Variants in SBDS observed in about 807,000 individuals in gnomAD.
The protein encoded by SBDS is ribosome maturation protein SBDS.
Under a neutral mutation model 26.4 loss-of-function variants are expected in SBDS, and 20 were observed. The observed-to-expected ratio is 0.76, with a 90% confidence interval of 0.53 to 1.10. SBDS has a LOEUF of 1.10. Ranked by LOEUF, SBDS falls within the 50% of genes least tolerant of loss-of-function variation. SBDS has a pLI of 0.00. For missense variants in SBDS, 241 were observed against 302.0 expected (o/e 0.80, Z 1.50); for synonymous variants, 95 against 105.1 (o/e 0.90, Z 0.59).
rs1793038768 is a variant in SBDS at position 66,994,270 on chromosome 7, T to C, written c.200A>G (p.Lys67Arg). The change falls in exon 2 of 5, where the codon AAA becomes AGA. Residue 67 changes from lysine (K) to arginine (R), a missense_variant. Coordinates refer to ENST00000246868, the MANE Select transcript of SBDS (RefSeq NM_016038.4). The stretch of plus-strand genomic sequence containing the variant: ...AAACGCACTGATGAGATCTTCCTTT[T>C]TGGCAACCTGACCTTTAGAAACATT... Reference protein sequence around the residue: ...FVNVSKGQVAKKEDLISAFGT... With the variant: ...FVNVSKGQVARKEDLISAFGT... 6.2e-7 allele frequency: 1 copy of C among 1,614,160 alleles called. No individual in the cohort carries two copies. The highest frequency in any genetic ancestry group is 8.5e-7 in the Non-Finnish European group (1 of 1,179,986).
intron 1 of SBDS, 124 bp from the exon 2 acceptor site, chr7:66,994,465 T>TA: frequency 1.1e-6 from 1 of 888,562 alleles, no homozygotes; most frequent in Non-Finnish European, 1.8e-6. Context: ...TGATGACCTT[T>TA]AGTGTAGAGG....
At position 66,995,377 on chromosome 7, in the gene SBDS, T is replaced by C. The variant is rs766277488; in HGVS notation, c.41A>G (p.Asn14Ser). 8 of 1,614,074 alleles carry C rather than the reference T, an allele frequency of 5.0e-6. No individual in the cohort carries two copies. The highest frequency in any genetic ancestry group is 2.2e-5 in the East Asian group (1 of 44,872). Residue 14 changes from asparagine to serine, a missense_variant, in exon 1 of 5, where the codon AAT becomes AGT. Transcript: ENST00000246868. ...ACGCTTCATCCGTACCACGGCCACA[T>C]TGGTTAGGCGGATCTGGTTGGTGGG... ...FTPTNQIRLT[N>S]VAVVRMKRAG...
Position 66,988,362 on chromosome 7 carries a change from T to C in SBDS, c.*9A>G. The C allele has an allele frequency of 6.2e-7, 1 of 1,612,886 alleles. No individual in the cohort carries two copies. The highest frequency in any genetic ancestry group is 8.5e-7 in the Non-Finnish European group (1 of 1,179,888). On this transcript the variant is annotated 3_prime_UTR_variant, in exon 5 of 5. Coordinates refer to ENST00000246868, the MANE Select transcript of SBDS (RefSeq NM_016038.4). ...TTTAGTGTTTTAGAGGTGAAGAGAT[T>C]GATGGGTGTCATTCAAATTTCTCAT...
intron 3 of SBDS, among the ~76,000 whole-genome samples, chr7:66,991,579 T>C (rs949551389): frequency 4.1e-4 from 63 of 151,892 alleles, no homozygotes; most frequent in African/African-American, 1.5e-3. Context: ...CATCACAAGG[T>C]CAGGAATTCG....
chr7:66,988,365 T>C lies in SBDS; in HGVS notation c.*6A>G. 1 of 1,613,012 alleles carries C rather than the reference T, an allele frequency of 6.2e-7. No individual in the cohort carries two copies. Among genetic ancestry groups the C allele is most frequent in the Non-Finnish European group, 8.5e-7 (1 of 1,179,898 alleles). ...AGTGTTTTAGAGGTGAAGAGATTGA[T>C]GGGTGTCATTCAAATTTCTCATCTC... On this transcript the variant is annotated 3_prime_UTR_variant, in exon 5 of 5. Transcript: ENST00000246868.
At chr7:66,991,902 G>A (rs1008173296) in intron 3 of SBDS, among the ~76,000 whole-genome samples, 16 of 152,116 alleles carry the variant, frequency 1.1e-4, no homozygotes, top group Non-Finnish European at 2.2e-4. Flanking sequence ...CATCAAAAAG[G>A]CAGACAATGA....
rs1793014457 is a variant in SBDS at position 66,993,293 on chromosome 7, T to A, written c.383A>T (p.Tyr128Phe). The change falls in exon 3 of 5, where the codon TAC (tyrosine) becomes TTC (phenylalanine). Residue 128 changes from tyrosine (Y) to phenylalanine (F), a missense_variant. Transcript: ENST00000246868. ...GGCTCTCTCAATAAGGATCACGGTG[T>A]ATGGTCTCTTTGTTTCAGGATTCAC... ...KCVNPETKRPYTVILIERAMK... is the reference protein window; with the variant it reads ...KCVNPETKRPFTVILIERAMK... 6.2e-7 allele frequency: 1 copy of A among 1,614,166 alleles called. No homozygotes were observed. Among genetic ancestry groups the A allele is most frequent in the Admixed American group, 1.7e-5 (1 of 60,014 alleles).
chr7:66,994,449 T>G (rs924820168), intron 1 of SBDS, 108 bp from the exon 2 acceptor site: 98 of 1,001,010 alleles, frequency 9.8e-5, no homozygotes, highest in Non-Finnish European at 6.7e-5. Flanking sequence ...ACACAACAAA[T>G]CCCCCTGATG....
intron 3 of SBDS, among the ~76,000 whole-genome samples, chr7:66,991,715 C>G (rs1584435782): frequency 8.7e-6 from 1 of 114,466 alleles, no homozygotes; most frequent in South Asian, 2.9e-4. Context: ...AGGAGAATTG[C>G]TTGAATCCGG....
At position 66,991,122 on chromosome 7, in the gene SBDS, AT is replaced by A; in HGVS notation, c.624+14del. 1 of 1,606,446 alleles carries A rather than the reference AT, an allele frequency of 6.2e-7. No homozygotes were observed. The highest frequency in any genetic ancestry group is 1.1e-5 in the South Asian group (1 of 89,858). ...ATTTAGGTAACATGAAGCAAAGAAAATATTTGACTCTTACGATTTCTAACTG... is the reference window on the plus strand; with the variant it reads ...ATTTAGGTAACATGAAGCAAAGAAAAATTTGACTCTTACGATTTCTAACTG... On this transcript the variant is annotated intron_variant, in intron 4 of 4. Transcript: ENST00000246868.
chr7:66,995,418 C>A lies in SBDS; in HGVS notation c.-1G>T, dbSNP rs1292475033. ...GGTTGGTGGGGGTGAAGATCGACAT[C>A]GCGGCTGTTCAAAGACCCAGAAGCC... On this transcript the variant is annotated 5_prime_UTR_variant, in exon 1 of 5. Coordinates refer to ENST00000246868, the MANE Select transcript of SBDS (RefSeq NM_016038.4). The A allele has an allele frequency of 1.2e-6, 2 of 1,613,600 alleles. No homozygotes were observed. The highest frequency in any genetic ancestry group is 1.1e-5 in the South Asian group (1 of 91,056).
chr7:66,994,471 A>C, intron 1 of SBDS, 130 bp from the exon 2 acceptor site: 1 of 871,242 alleles, frequency 1.1e-6, no homozygotes. Context: ...CCTTTAGTGT[A>C]GAGGGCAGTT....
chr7:66,993,891 A>AAT (rs1355854250), intron 2 of SBDS, among the ~76,000 whole-genome samples: 4 of 152,040 alleles, frequency 2.6e-5, no homozygotes, highest in East Asian at 1.9e-4. Flanking sequence ...CACCCAAAAA[A>AAT]AAAAGGATCT....
chr7:66,988,522 T>C (rs773735643), intron 4 of SBDS, 23 bp from the exon 5 acceptor site: 20 of 1,612,086 alleles, frequency 1.2e-5, no homozygotes, highest in Non-Finnish European at 1.7e-5. Context: ...ACGTAGCAGA[T>C]TACCACATGA....
intron 4 of SBDS, among the ~76,000 whole-genome samples, chr7:66,990,443 T>A (rs1792951257): frequency 6.6e-6 from 1 of 152,220 alleles, no homozygotes; most frequent in South Asian, 2.1e-4. Context: ...CTTTTAGGAT[T>A]ATGATCAGCA....
rs535755807 is a variant in SBDS, at chr7:66,993,290, G to C, written c.386C>G (p.Thr129Ser). Residue 129 changes from threonine to serine, a missense_variant, in exon 3 of 5, where the codon ACC becomes AGC. Thr to Ser is a moderately conservative substitution (Grantham distance 58). Transcript: ENST00000246868. The stretch of plus-strand genomic sequence containing the variant: ...CATGGCTCTCTCAATAAGGATCACG[G>C]TGTATGGTCTCTTTGTTTCAGGATT... ...CVNPETKRPYTVILIERAMKD... is the reference protein window; with the variant it reads ...CVNPETKRPYSVILIERAMKD... The C allele has an allele frequency of 1.9e-5, 30 of 1,614,110 alleles. No individual in the cohort carries two copies. The South Asian group carries it at 3.2e-4, about 17-fold the overall frequency.
chr7:66,995,287 C>G lies in SBDS; in HGVS notation c.128+3G>C. On this transcript the variant is annotated splice_donor_region_variant and intron_variant, in intron 1 of 4. Transcript: ENST00000246868. Reference sequence around the variant, plus strand: ...CCCAGGCCCGAGGGAGGGGGCTACTCACACGCCGCTCCGCCAGCCGACGAC... The same window carrying G: ...CCCAGGCCCGAGGGAGGGGGCTACTGACACGCCGCTCCGCCAGCCGACGAC... 6.2e-7 allele frequency: 1 copy of G among 1,613,696 alleles called. No homozygotes were observed. The highest frequency in any genetic ancestry group is 8.5e-7 in the Non-Finnish European group (1 of 1,179,968).
intron 1 of SBDS, 51 bp downstream of exon 1, chr7:66,995,239 G>A: frequency 1.2e-6 from 2 of 1,611,854 alleles, no homozygotes. Flanking sequence ...AGGCCGCCTC[G>A]GAGGTGACGG....
chr7:66,991,727 A>T (rs1792978568), intron 3 of SBDS, among the ~76,000 whole-genome samples: 1 of 113,538 alleles, frequency 8.8e-6, no homozygotes, highest in African/African-American at 3.4e-5. Flanking sequence ...TGAATCCGGG[A>T]GGCAGAGTTT....
Sources: allele counts gnomAD v4.1 joint callset (sites outside exome capture counted in the v4.1 genomes callset), GRCh38; gene constraint gnomAD v4.1.1; transcripts MANE v1.5; gene names NCBI Gene and HGNC (gene_info 2026-07-23, HGNC 2026-07-21).